RPL34: variants seen among roughly 807,000 people sequenced by gnomAD.
The protein encoded by RPL34 is ribosomal protein L34, also known as large ribosomal subunit protein eL34.
A neutral mutation model predicts 16.3 loss-of-function variants in RPL34; 2 were observed. The ratio of observed to expected loss-of-function variants is 0.12; its 90% CI spans 0.05 to 0.39. The LOEUF is 0.39. Among genes scored for constraint, RPL34 ranks in the 10% least tolerant of loss-of-function variants. RPL34 has a pLI of 0.99. For missense variants in RPL34, 82 were observed against 148.8 expected (o/e 0.55, Z 2.33); for synonymous variants, 47 against 48.5 (o/e 0.97, Z 0.13).
chr4:108,624,725 T>G (rs1380959028), intron 4 of RPL34, among the ~76,000 whole-genome samples: 1 of 152,204 alleles, frequency 6.6e-6, no homozygotes, highest in African/African-American at 2.4e-5. Context: ...CCTTTACCTT[T>G]TAATTTTAGT....
chr4:108,628,586 A>C (rs1315909490), downstream of RPL34, among the ~76,000 whole-genome samples: 1 of 152,186 alleles, frequency 6.6e-6, no homozygotes, highest in African/African-American at 2.4e-5. Context: ...TGCTGCTCCA[A>C]GTTAGGTAGA....
chr4:108,628,261 G>A (rs1278950299), downstream of RPL34, among the ~76,000 whole-genome samples: 3 of 152,066 alleles, frequency 2.0e-5, no homozygotes, highest in Non-Finnish European at 2.9e-5. Flanking sequence ...ATAAAACGGG[G>A]ATAGAATTGA....
At chr4:108,621,122 G>T (rs1193464838) in intron 1 of RPL34, 1 of 152,072 alleles carries the variant, frequency 6.6e-6, no homozygotes, top group African/African-American at 2.4e-5. Context: ...CTGGTTTTAC[G>T]TGTCAAGTTT....
At chr4:108,622,896 T>A in intron 4 of RPL34, 1 of 313,866 alleles carries the variant, frequency 3.2e-6, no homozygotes, top group Non-Finnish European at 5.9e-6. Context: ...CAAAGATAGA[T>A]GGAGTGTGGA....
chr4:108,620,617 C>G lies in RPL34; in HGVS notation c.-10+17C>G, dbSNP rs1725713847. 3.5e-6 allele frequency: 1 copy of G among 286,606 alleles called. No individual in the cohort carries two copies. Among genetic ancestry groups the G allele is most frequent in the South Asian group, 3.0e-5 (1 of 33,778 alleles). 17.8% of individuals were successfully genotyped at this position (286,606 alleles called of 1,614,324 possible). A position where few individuals can be genotyped will look rare whatever the true frequency, so the allele number is the denominator to read the frequency against. On this transcript the variant is annotated intron_variant, in intron 1 of 4. Transcript: ENST00000394667. ...TGTCTGCAGGTATGGATGTTGTTCTCTTTTCCCTGTCTTTATTTCCTTACC... is the reference window on the plus strand; with the variant it reads ...TGTCTGCAGGTATGGATGTTGTTCTGTTTTCCCTGTCTTTATTTCCTTACC...
chr4:108,622,143 C>A lies in RPL34; in HGVS notation c.104C>A (p.Thr35Asn). 1 of 1,613,836 alleles carries A rather than the reference C, an allele frequency of 6.2e-7. No homozygotes were observed. Among genetic ancestry groups the A allele is most frequent in the Non-Finnish European group, 8.5e-7 (1 of 1,179,910 alleles). Residue 35 changes from threonine (T) to asparagine (N), a missense_variant, in exon 3 of 5, where the codon ACC (threonine) becomes AAC (asparagine). By Grantham distance (65) the Thr-to-Asn change is moderately conservative. Transcript: ENST00000394667. ...GGTAATAGAATTGTTTACCTTTATA[C>A]CAAGAAGGTTGGGAAAGCACCAAAA... The part of the protein sequence containing the change: ...TPGNRIVYLY[T>N]KKVGKAPKSA...
chr4:108,626,529 A>G (rs1043598084), downstream of RPL34, among the ~76,000 whole-genome samples: 5 of 146,366 alleles, frequency 3.4e-5, no homozygotes, highest in African/African-American at 1.0e-4. Context: ...GCTCACTGCA[A>G]CCTCCACCTC....
At chr4:108,621,909 T>G (rs1560612257) in intron 1 of RPL34, 42 bp from the exon 2 acceptor site, 1 of 1,335,812 alleles carries the variant, frequency 7.5e-7, no homozygotes, top group Non-Finnish European at 1.1e-6. Flanking sequence ...TTTATTTACT[T>G]TTACAATGGA....
In RPL34 at chr4:108,622,111, A is replaced by T; in HGVS notation, c.72A>T (p.Arg24=). 1 of 1,613,452 alleles carries T rather than the reference A, an allele frequency of 6.2e-7. No individual in the cohort carries two copies. The change falls in exon 3 of 5, where the codon CGA becomes CGT. Residue 24 remains arginine (R), a synonymous_variant. Transcript: ENST00000394667. ...NTASNKTRLS[R]TPGNRIVYLY... ...TGACTGTTTCACTTTCTAGGTCCCGAACCCCTGGTAATAGAATTGTTTACC... is the reference window on the plus strand; with the variant it reads ...TGACTGTTTCACTTTCTAGGTCCCGTACCCCTGGTAATAGAATTGTTTACC...
Position 108,620,611 on chromosome 4 carries a change from T to C in RPL34, c.-10+11T>C, listed in dbSNP as rs1334060798. On this transcript the variant is annotated intron_variant, in intron 1 of 4. Transcript: ENST00000394667. ...GGACGTTGTCTGCAGGTATGGATGT[T>C]GTTCTCTTTTCCCTGTCTTTATTTC... is the stretch of plus-strand genomic sequence containing the variant. The C allele has an allele frequency of 6.8e-6, 2 of 296,148 alleles. No homozygotes were observed. The highest frequency in any genetic ancestry group is 2.2e-5 in the African/African-American group (1 of 45,546). 18.3% of individuals were successfully genotyped at this position (296,148 alleles called of 1,614,324 possible).
chr4:108,620,626 G>A (rs975118067), intron 1 of RPL34, 26 bp downstream of exon 1: 4 of 278,332 alleles, frequency 1.4e-5, no homozygotes, highest in Non-Finnish European at 2.9e-5. Context: ...TCTTTTCCCT[G>A]TCTTTATTTC....
At chr4:108,624,587 G>A (rs985563563) in intron 4 of RPL34, among the ~76,000 whole-genome samples, 5 of 152,120 alleles carry the variant, frequency 3.3e-5, no homozygotes, top group Admixed American at 6.5e-5. Flanking sequence ...TGTTAAATAC[G>A]TGTGAAACTA....
At position 108,622,561 on chromosome 4, in the gene RPL34, A is replaced by G; in HGVS notation, c.212A>G (p.Lys71Arg). ...GTTCTTATGAGATTGTCCAAAACAA[A>G]GAAACATGTCAGCAGGGCCTATGGT... is the stretch of plus-strand genomic sequence containing the variant. ...PKVLMRLSKT[K>R]KHVSRAYGGS... The change falls in exon 4 of 5, where the codon AAG becomes AGG. Residue 71 changes from lysine to arginine, a missense_variant. Physicochemically the swap from Lys to Arg is conservative, Grantham distance 26. Coordinates refer to ENST00000394667, the MANE Select transcript of RPL34 (RefSeq NM_001319236.2). 1 of 1,610,738 alleles carries G rather than the reference A, an allele frequency of 6.2e-7. No individual in the cohort carries two copies. The highest frequency in any genetic ancestry group is 8.5e-7 in the Non-Finnish European group (1 of 1,179,092).
downstream of RPL34, among the ~76,000 whole-genome samples, chr4:108,628,687 T>C (rs757168214): frequency 6.6e-6 from 1 of 152,164 alleles, no homozygotes; most frequent in Non-Finnish European, 1.5e-5. Flanking sequence ...TGTAAGGAAG[T>C]TAAAGAATTG....
rs776055316 is a variant in RPL34 at position 108,622,213 on chromosome 4, A to G, written c.165+9A>G. 1 of 1,579,670 alleles carries G rather than the reference A, an allele frequency of 6.3e-7. No individual in the cohort carries two copies. The highest frequency in any genetic ancestry group is 1.1e-5 in the South Asian group (1 of 90,470). ...CAGGCAGACTTCGAGGGGTAAGTGT[A>G]CCTTTTACTGTGTGCAGCCTAACAA... On this transcript the variant is annotated intron_variant, in intron 3 of 4. Coordinates refer to ENST00000394667, the MANE Select transcript of RPL34 (RefSeq NM_001319236.2).
chr4:108,627,669 C>T (rs1247273413), downstream of RPL34, among the ~76,000 whole-genome samples: 2 of 152,044 alleles, frequency 1.3e-5, no homozygotes, highest in African/African-American at 2.4e-5. Flanking sequence ...CGAGACCAGC[C>T]TGACCAGTAT....
At chr4:108,621,234 G>T (rs1478372666) in intron 1 of RPL34, 2 of 152,246 alleles carry the variant, frequency 1.3e-5, no homozygotes, top group Non-Finnish European at 2.9e-5. Flanking sequence ...ATTAGTTCAA[G>T]TATTGATTAT....
At chr4:108,623,028 CA>C (rs1352923376) in intron 4 of RPL34, 2 of 154,468 alleles carry the variant, frequency 1.3e-5, no homozygotes, top group African/African-American at 2.4e-5. Context: ...TGATGGACAA[CA>C]AAGGTAGAAA....
In RPL34 at chr4:108,625,361, T is replaced by C. The variant is rs557811085; in HGVS notation, c.*149T>C. The C allele has an allele frequency of 1.5e-5, 8 of 523,118 alleles. No individual in the cohort carries two copies. The highest frequency in any genetic ancestry group is 1.1e-4 in the African/African-American group (6 of 52,210). 32.4% of individuals were successfully genotyped at this position (523,118 alleles called of 1,614,324 possible). A position where few individuals can be genotyped will look rare whatever the true frequency, so the allele number is the denominator to read the frequency against. On this transcript the variant is annotated 3_prime_UTR_variant, in exon 5 of 5. Transcript: ENST00000394667. Reference sequence around the variant, plus strand: ...TTTTAGCAGATTACTTTTTCTTGTTTTGTTTGTTGTTTGTTTGTTTTTGGT... The same window carrying C: ...TTTTAGCAGATTACTTTTTCTTGTTCTGTTTGTTGTTTGTTTGTTTTTGGT...
Sources: allele counts gnomAD v4.1 joint callset (sites outside exome capture counted in the v4.1 genomes callset), GRCh38; gene constraint gnomAD v4.1.1; transcripts MANE v1.5; gene names NCBI Gene and HGNC (gene_info 2026-07-23, HGNC 2026-07-21).